Variants in SGK1 observed in about 807,000 individuals in gnomAD.
The protein encoded by SGK1 is serum/glucocorticoid regulated kinase 1.
SGK1 carries 26 observed loss-of-function variants against 64.2 expected under a neutral mutation model. The ratio of observed to expected loss-of-function variants is 0.40; its 90% CI spans 0.30 to 0.56. SGK1 has a LOEUF of 0.56. Among genes scored for constraint, SGK1 ranks in the 20% least tolerant of loss-of-function variants. The pLI, the probability that SGK1 is intolerant of heterozygous loss-of-function variation, is 0.38. For synonymous variants in SGK1, 265 were observed against 239.7 expected (o/e 1.11, Z -0.98); for missense variants, 519 against 645.6 (o/e 0.80, Z 2.12).
At chr6:134,215,404 C>T (rs1775963122) in intron 2 of SGK1, among the ~76,000 whole-genome samples, 2 of 151,512 alleles carry the variant, frequency 1.3e-5, no homozygotes, top group African/African-American at 2.4e-5. Flanking sequence ...GCATGAGCCA[C>T]GGCGCCTGGC....
At chr6:134,289,692 A>G (rs1038831602) in intron 1 of SGK1, among the ~76,000 whole-genome samples, 1 of 152,116 alleles carries the variant, frequency 6.6e-6, no homozygotes, top group Admixed American at 6.6e-5. Flanking sequence ...TCAGGTGCTC[A>G]ATAGTCACAT....
At chr6:134,203,462 A>C (rs1293316092) in intron 3 of SGK1, among the ~76,000 whole-genome samples, 1 of 152,206 alleles carries the variant, frequency 6.6e-6, no homozygotes, top group East Asian at 1.9e-4. Flanking sequence ...GTTAAATCTA[A>C]CTGTGTCATT....
At chr6:134,235,621 C>A (rs1776351397) in intron 2 of SGK1, among the ~76,000 whole-genome samples, 2 of 151,382 alleles carry the variant, frequency 1.3e-5, no homozygotes, top group Non-Finnish European at 2.9e-5. Flanking sequence ...GCCCAGGCTG[C>A]AGGGCAATGG....
chr6:134,201,263 T>C (rs1247809525), intron 3 of SGK1, among the ~76,000 whole-genome samples: 5 of 152,090 alleles, frequency 3.3e-5, no homozygotes, highest in Admixed American at 1.3e-4. Context: ...GGTTTCACCG[T>C]GTTAGCCAGG....
At chr6:134,196,746 G>A (rs558862312) in intron 3 of SGK1, among the ~76,000 whole-genome samples, 1 of 152,192 alleles carries the variant, frequency 6.6e-6, no homozygotes, top group African/African-American at 2.4e-5. Flanking sequence ...TTAAAACTTC[G>A]AGTTGAAGTA....
intron 3 of SGK1, among the ~76,000 whole-genome samples, chr6:134,191,523 G>A (rs1466896564): frequency 1.3e-5 from 2 of 152,168 alleles, no homozygotes; most frequent in African/African-American, 4.8e-5. Context: ...TACTACAGTG[G>A]TGCTAAGGAC....
At chr6:134,175,533 G>T in intron 3 of SGK1, 1 of 1,475,962 alleles carries the variant, frequency 6.8e-7, no homozygotes, top group Non-Finnish European at 9.1e-7. Flanking sequence ...GGGGCCGGCG[G>T]CGGCGCTTAC....
chr6:134,182,830 T>C (rs1046785369), intron 3 of SGK1, among the ~76,000 whole-genome samples: 8 of 152,238 alleles, frequency 5.3e-5, no homozygotes, highest in African/African-American at 1.9e-4. Flanking sequence ...CTGAATGTGC[T>C]GTATCAAGAA....
intron 3 of SGK1, among the ~76,000 whole-genome samples, chr6:134,194,627 TTCTCCTG>T (rs1379776190): frequency 6.6e-6 from 1 of 151,920 alleles, no homozygotes; most frequent in Non-Finnish European, 1.5e-5. Context: ...GTTCAAGTGA[TTCTCCTG>T]CCTCAGTCTC....
chr6:134,174,728 T>A, intron 3 of SGK1, 142 bp from the exon 4 acceptor site: 7 of 1,614,144 alleles, frequency 4.3e-6, no homozygotes, highest in Non-Finnish European at 5.9e-6. Flanking sequence ...ATTCCTGCAC[T>A]CACCGATGAG....
At chr6:134,316,138 A>G (rs1377419458) in intron 1 of SGK1, among the ~76,000 whole-genome samples, 2 of 152,234 alleles carry the variant, frequency 1.3e-5, no homozygotes, top group Non-Finnish European at 2.9e-5. Flanking sequence ...ATTTTGCTTT[A>G]CTGATGAGAA....
rs935205078 is a variant in SGK1 at position 134,297,441 on chromosome 6, C to T, written c.69+19951G>A. 2.9e-5 allele frequency: 20 copies of T among 684,562 alleles called. No homozygotes were observed. In the African/African-American group the frequency reaches 3.2e-4, roughly 11 times the overall value. The allele number at this position is 684,562 out of a possible 1,614,324, so 42.4% of individuals were successfully genotyped here. On this transcript the variant is annotated intron_variant, in intron 1 of 13. Coordinates refer to ENST00000367858, the MANE Select transcript of SGK1 (RefSeq NM_001143676.3). ...TGCGATGGCAGTCTCCAGGGAAGCC[C>T]TCTGGCCTTTGAGACCCTCAGTCTC...
intron 1 of SGK1, among the ~76,000 whole-genome samples, chr6:134,270,294 T>A (rs916715166): frequency 2.0e-5 from 3 of 147,400 alleles, no homozygotes; most frequent in Non-Finnish European, 3.0e-5. Flanking sequence ...ACTTTTATGC[T>A]AACTGGTCTT....
chr6:134,212,887 TTCGTATGAAGCAAATG>T (rs1562252687), intron 2 of SGK1, among the ~76,000 whole-genome samples: 1 of 152,208 alleles, frequency 6.6e-6, no homozygotes, highest in South Asian at 2.1e-4. Flanking sequence ...CCTTGAGGCT[TTCGTATGAAGCAAATG>T]CCATTCTTAC....
At chr6:134,253,067 C>T (rs558382017) in intron 2 of SGK1, among the ~76,000 whole-genome samples, 1 of 152,290 alleles carries the variant, frequency 6.6e-6, no homozygotes, top group Non-Finnish European at 1.5e-5. Context: ...CATTTTACTT[C>T]CAAGCCTTCT....
At chr6:134,291,852 G>C (rs1333461777) in intron 1 of SGK1, among the ~76,000 whole-genome samples, 1 of 152,164 alleles carries the variant, frequency 6.6e-6, no homozygotes, top group Non-Finnish European at 1.5e-5. Context: ...CTTGAGGTCA[G>C]GAGTTCGAGA....
At chr6:134,263,401 A>AT (rs11379233) in intron 1 of SGK1, among the ~76,000 whole-genome samples, 25,035 of 141,322 alleles carry the variant, frequency 0.18, 2,675 homozygotes, top group African/African-American at 0.3. Context: ...CACACTACTA[A>AT]TTTTTTTTTT....
intron 1 of SGK1, among the ~76,000 whole-genome samples, chr6:134,271,748 T>G (rs1033961866): frequency 1.4e-5 from 2 of 148,108 alleles, no homozygotes; most frequent in African/African-American, 2.4e-5. Flanking sequence ...TCTTTTGTGC[T>G]CTTCTCCCTC....
At chr6:134,175,570 C>G (rs1376149333) in intron 3 of SGK1, 3 of 1,564,026 alleles carry the variant, frequency 1.9e-6, no homozygotes, top group Non-Finnish European at 2.6e-6. Flanking sequence ...GAAGGACTCG[C>G]TCCTTTTCTG....
Sources: gnomAD v4.1 joint callset for allele counts (sites outside exome capture counted in the v4.1 genomes callset) on GRCh38, gnomAD v4.1.1 for gene constraint, MANE v1.5 for transcripts, NCBI Gene and HGNC (gene_info 2026-07-23, HGNC 2026-07-21) for gene names.